Variants in SLC22A25 observed in about 807,000 individuals in gnomAD.
The protein encoded by SLC22A25 is solute carrier family 22 member 25.
Under a neutral mutation model 45.9 loss-of-function variants are expected in SLC22A25, and 44 were observed. That is an observed-to-expected ratio of 0.96 (90% CI 0.75 to 1.23). SLC22A25 has a LOEUF of 1.23. Among genes scored for constraint, SLC22A25 ranks in the 50% most tolerant of loss-of-function variants. The pLI is 0.00. For missense variants in SLC22A25, 800 were observed against 666.4 expected (o/e 1.20, Z -2.21); for synonymous variants, 283 against 238.6 (o/e 1.19, Z -1.72).
intron 9 of SLC22A25, among the ~76,000 whole-genome samples, chr11:63,178,460 A>G (rs1321701261): frequency 6.9e-6 from 1 of 145,506 alleles, no homozygotes; most frequent in African/African-American, 2.5e-5. Context: ...CCCCCTCTAT[A>G]TGCATCTTCC....
At position 63,164,583 on chromosome 11, in the gene SLC22A25, G is replaced by C; in HGVS notation, c.1337C>G (p.Ser446Cys). The part of the protein sequence containing the change: ...VLATLGVGAA[S>C]LGITCSTAQE... Reference sequence around the variant, plus strand: ...GGCAGTAGAACAGGTAATGCCAAGAGAAGCAGCTCCCACACCCAGGGTTGC... The same window carrying C: ...GGCAGTAGAACAGGTAATGCCAAGACAAGCAGCTCCCACACCCAGGGTTGC... The change falls in exon 11 of 12, where the codon TCT (serine) becomes TGT (cysteine). Residue 446 changes from serine (S) to cysteine (C), a missense_variant. Physicochemically the swap from Ser to Cys is moderately radical, Grantham distance 112. Coordinates refer to ENST00000306494, the MANE Select transcript of SLC22A25 (RefSeq NM_199352.6). 2 of 1,613,880 alleles carry C rather than the reference G, an allele frequency of 1.2e-6. No homozygotes were observed. Among genetic ancestry groups the C allele is most frequent in the African/African-American group, 2.7e-5 (2 of 75,044 alleles).
intron 3 of SLC22A25, among the ~76,000 whole-genome samples, chr11:63,230,647 T>A (rs753768696): frequency 1.1e-4 from 16 of 151,920 alleles, no homozygotes; most frequent in East Asian, 3.9e-4. Context: ...TTAAAAAAAA[T>A]TTATTTATTT....
chr11:63,171,414 A>T (rs1341793934), intron 9 of SLC22A25, among the ~76,000 whole-genome samples: 1 of 152,188 alleles, frequency 6.6e-6, no homozygotes, highest in Non-Finnish European at 1.5e-5. Context: ...AAACCCCATC[A>T]TCTCAGCCCC....
At chr11:63,179,449 A>G (rs756264817) in intron 9 of SLC22A25, among the ~76,000 whole-genome samples, 2 of 152,108 alleles carry the variant, frequency 1.3e-5, no homozygotes, top group Admixed American at 6.6e-5. Flanking sequence ...GGGACCTTCA[A>G]TTCTACTCTG....
At chr11:63,231,519 TG>T (rs1350340032) in intron 3 of SLC22A25, among the ~76,000 whole-genome samples, 2 of 152,324 alleles carry the variant, frequency 1.3e-5, no homozygotes, top group East Asian at 3.9e-4. Context: ...GTAAATTTGT[TG>T]GAGTTCATTG....
chr11:63,207,726 C>T (rs911343933), intron 7 of SLC22A25, among the ~76,000 whole-genome samples: 1 of 152,194 alleles, frequency 6.6e-6, no homozygotes, highest in South Asian at 2.1e-4. Context: ...ATCTCTCCTT[C>T]TTTCCTAGGC....
intron 3 of SLC22A25, among the ~76,000 whole-genome samples, chr11:63,236,572 G>T (rs1417689855): frequency 6.6e-6 from 1 of 152,106 alleles, no homozygotes; most frequent in African/African-American, 2.4e-5. Context: ...AAGGGAATTC[G>T]CTGACCCCTT....
In SLC22A25 at chr11:63,163,410, T is replaced by C. The variant is rs2087570938; in HGVS notation, c.*414A>G. On this transcript the variant is annotated 3_prime_UTR_variant, in exon 12 of 12. Coordinates refer to ENST00000306494, the MANE Select transcript of SLC22A25 (RefSeq NM_199352.6). ...TCATCTGTGGGAGGGGCTCTTATTT[T>C]CTATACAGTCTCTCACAAATTCTTC... 6.6e-6 allele frequency among the ~76,000 whole-genome samples: 1 copy of C among 152,202 alleles called. No individual in the cohort carries two copies. Among genetic ancestry groups the C allele is most frequent in the Non-Finnish European group, 1.5e-5 (1 of 68,032 alleles).
intron 5 of SLC22A25, among the ~76,000 whole-genome samples, chr11:63,221,295 C>T (rs1391191667): frequency 6.6e-6 from 1 of 152,016 alleles, no homozygotes; most frequent in Non-Finnish European, 1.5e-5. Context: ...TTTATTATTG[C>T]CTGCCTTTTG....
chr11:63,179,522 G>T (rs747025411), intron 9 of SLC22A25, among the ~76,000 whole-genome samples: 6 of 152,032 alleles, frequency 3.9e-5, no homozygotes, highest in Non-Finnish European at 8.8e-5. Flanking sequence ...CCTGGTTTCT[G>T]TTTTTCAGGA....
chr11:63,190,260 C>G (rs2088752780), intron 7 of SLC22A25, among the ~76,000 whole-genome samples: 1 of 152,018 alleles, frequency 6.6e-6, no homozygotes, highest in South Asian at 2.1e-4. Context: ...ACTCTTTTTT[C>G]TCTACACTTC....
At chr11:63,166,281 C>A (rs200360893) in intron 9 of SLC22A25, 23 bp from the exon 10 acceptor site, 7 of 1,612,524 alleles carry the variant, frequency 4.3e-6, no homozygotes, top group Non-Finnish European at 5.9e-6. Flanking sequence ...CAGAAAAAGG[C>A]ACATATTATA....
rs749328082 is a variant in SLC22A25, at chr11:63,213,164, G to C, written c.830+4150C>G. On this transcript the variant is annotated intron_variant, in intron 7 of 11. Transcript: ENST00000306494. ...TTTCTAGGTGTGGCAGGATTCTGCC[G>C]AATCTGGATTCCAAACTTCTCCCTT... is the stretch of plus-strand genomic sequence containing the variant. 1.3e-5 allele frequency among the ~76,000 whole-genome samples: 2 copies of C among 152,160 alleles called. 1 individual carries two copies. Among genetic ancestry groups the C allele is most frequent in the South Asian group, 4.1e-4 (2 of 4,832 alleles).
At chr11:63,164,983 G>A (rs2087630606) in intron 10 of SLC22A25, among the ~76,000 whole-genome samples, 1 of 152,054 alleles carries the variant, frequency 6.6e-6, no homozygotes, top group South Asian at 2.1e-4. Context: ...GAAAACAGGA[G>A]TGTCATGTGG....
chr11:63,183,478 C>T (rs1460286014), intron 8 of SLC22A25, among the ~76,000 whole-genome samples: 2 of 152,116 alleles, frequency 1.3e-5, no homozygotes, highest in African/African-American at 4.8e-5. Flanking sequence ...GCCTCTGCCT[C>T]TGTTGAGTAA....
At chr11:63,219,716 G>A (rs560240316) in intron 5 of SLC22A25, among the ~76,000 whole-genome samples, 32 of 152,066 alleles carry the variant, frequency 2.1e-4, no homozygotes, top group Non-Finnish European at 3.4e-4. Context: ...ACCTTGCCCC[G>A]TCAACTTCAG....
intron 7 of SLC22A25, among the ~76,000 whole-genome samples, chr11:63,216,045 AT>A (rs1258402444): frequency 6.6e-6 from 1 of 152,108 alleles, no homozygotes; most frequent in Admixed American, 6.6e-5. Context: ...TGTTTTTGTT[AT>A]TGTTGATAGA....
At chr11:63,166,350 C>G in intron 9 of SLC22A25, 92 bp from the exon 10 acceptor site, 1 of 1,499,086 alleles carries the variant, frequency 6.7e-7, no homozygotes, top group East Asian at 2.4e-5. Context: ...GCCAAGGACT[C>G]TTTAAAGTAA....
Position 63,190,479 on chromosome 11 carries a change from C to T in SLC22A25, c.831-6662G>A, listed in dbSNP as rs74655165. On this transcript the variant is annotated intron_variant, in intron 7 of 11. Transcript: ENST00000306494. ...TTTTTCAAGGTTTTTAACTTCTTTG[C>T]CATGAGTTCGAACTTCCTTCTTTGG... is the stretch of plus-strand genomic sequence containing the variant. Among the ~76,000 whole-genome samples the T allele has an allele frequency of 1.2e-4, 19 of 152,174 alleles. No individual in the cohort carries two copies. The East Asian group carries it at 1.9e-3, about 15-fold the overall frequency.
Sources: allele counts gnomAD v4.1 joint callset (sites outside exome capture counted in the v4.1 genomes callset), GRCh38; gene constraint gnomAD v4.1.1; transcripts MANE v1.5; gene names NCBI Gene and HGNC (gene_info 2026-07-23, HGNC 2026-07-21).